The following NOCT variants were observed in gnomAD, a reference collection of about 807,000 sequenced individuals.
NOCT encodes CCR4 carbon catabolite repression 4-like.
Under a neutral mutation model 35.0 loss-of-function variants are expected in NOCT, and 18 were observed. The ratio of observed to expected loss-of-function variants is 0.51; its 90% CI spans 0.36 to 0.76. NOCT has a LOEUF of 0.76. Among genes scored for constraint, NOCT ranks in the 30% least tolerant of loss-of-function variants. NOCT has a pLI of 0.01. For missense variants in NOCT, 479 were observed against 541.0 expected (o/e 0.89, Z 1.14); for synonymous variants, 235 against 226.3 (o/e 1.04, Z -0.34).
intron 1 of NOCT, among the ~76,000 whole-genome samples, chr4:139,025,309 C>T (rs1238900756): frequency 1.3e-5 from 2 of 152,112 alleles, no homozygotes; most frequent in Non-Finnish European, 2.9e-5. Flanking sequence ...CTTCTCCTGC[C>T]CTTTCTATTT....
intron 1 of NOCT, among the ~76,000 whole-genome samples, chr4:139,040,756 G>A (rs1726821409): frequency 6.6e-6 from 1 of 152,084 alleles, no homozygotes; most frequent in Non-Finnish European, 1.5e-5. Context: ...ATACCATGGT[G>A]TCCCTGTGAG....
intron 1 of NOCT, among the ~76,000 whole-genome samples, chr4:139,042,396 A>C (rs1484579663): frequency 6.6e-6 from 1 of 152,074 alleles, no homozygotes; most frequent in Non-Finnish European, 1.5e-5. Flanking sequence ...AGATATATAG[A>C]AAAAGGAATG....
intron 1 of NOCT, among the ~76,000 whole-genome samples, chr4:139,035,019 G>A (rs1468168597): frequency 6.6e-6 from 1 of 152,170 alleles, no homozygotes; most frequent in Non-Finnish European, 1.5e-5. Flanking sequence ...TCTTCTGAAT[G>A]TCAGTCATCT....
At position 139,043,342 on chromosome 4, in the gene NOCT, A is replaced by G; in HGVS notation, c.459A>G (p.Gln153=). The change falls in exon 2 of 3, where the codon CAA becomes CAG. Residue 153 remains glutamine (Q), a splice_region_variant and synonymous_variant. Transcript: ENST00000280614. The part of the protein sequence containing the change: ...IRVMQWNILA[Q]ALGEGKDNFV... ...TTATGCAATGGAACATCCTCGCCCA[A>G]GGTATGCTGGATGCTTTTGTGCCTC... is the stretch of plus-strand genomic sequence containing the variant. The G allele has an allele frequency of 1.9e-6, 3 of 1,612,226 alleles. No homozygotes were observed. The highest frequency in any genetic ancestry group is 2.5e-6 in the Non-Finnish European group (3 of 1,178,460).
In NOCT at chr4:139,016,003, C is replaced by A; in HGVS notation, c.22C>A (p.Leu8Ile). The A allele has an allele frequency of 7.2e-7, 1 of 1,390,992 alleles. No homozygotes were observed. The highest frequency in any genetic ancestry group is 2.6e-4 in the Middle Eastern group (1 of 3,842). 86.2% of individuals were successfully genotyped at this position (1,390,992 alleles called of 1,614,324 possible). MFHSPRR[L>I]CSALLQRDAP... Reference sequence around the variant, plus strand: ...CGGCATGTTTCATAGTCCGCGGCGGCTCTGCTCGGCCCTGCTGCAGAGGGA... The same window carrying A: ...CGGCATGTTTCATAGTCCGCGGCGGATCTGCTCGGCCCTGCTGCAGAGGGA... Residue 8 changes from leucine (L) to isoleucine (I), a missense_variant, in exon 1 of 3, where the codon CTC (leucine) becomes ATC (isoleucine). Transcript: ENST00000280614.
At chr4:139,028,608 C>A (rs1216836696) in intron 1 of NOCT, among the ~76,000 whole-genome samples, 1 of 152,208 alleles carries the variant, frequency 6.6e-6, no homozygotes, top group South Asian at 2.1e-4. Context: ...TGGGGCTAGG[C>A]AGGACAGCTG....
At chr4:139,029,599 C>A (rs911657124) in intron 1 of NOCT, among the ~76,000 whole-genome samples, 13 of 152,184 alleles carry the variant, frequency 8.5e-5, no homozygotes, top group Admixed American at 8.5e-4. Context: ...CTTAACTTGG[C>A]ACTTAGTTTA....
chr4:139,016,639 TTG>T (rs1471943634), intron 1 of NOCT, among the ~76,000 whole-genome samples: 3 of 94,008 alleles, frequency 3.2e-5, no homozygotes, highest in African/African-American at 7.9e-5. Context: ...TCGTTTTACG[TTG>T]TTTTTTTTTT....
rs1726289940 is a variant in NOCT at position 139,016,049 on chromosome 4, T to C, written c.68T>C (p.Leu23Pro). ...LQRDAPGLRR[L>P]PAPGLRRPLS... ...AGGGACGCGCCCGGCCTGCGCCGCC[T>C]GCCCGCCCCAGGGCTGCGCCGCCCG... The change falls in exon 1 of 3, where the codon CTG becomes CCG. Residue 23 changes from leucine to proline, a missense_variant. Around this residue, in one of 2 missense-constraint regions of NOCT, gnomAD observed 265 missense variants for 257.0 expected, o/e 1.03. Coordinates refer to ENST00000280614, the MANE Select transcript of NOCT (RefSeq NM_012118.4). The C allele has an allele frequency of 1.4e-6, 2 of 1,390,134 alleles. No homozygotes were observed. The highest frequency in any genetic ancestry group is 1.9e-6 in the Non-Finnish European group (2 of 1,071,024). 86.1% of individuals were successfully genotyped at this position (1,390,134 alleles called of 1,614,324 possible).
intron 1 of NOCT, among the ~76,000 whole-genome samples, chr4:139,037,819 TTG>T (rs1402807372): frequency 6.6e-6 from 1 of 151,886 alleles, no homozygotes; most frequent in Non-Finnish European, 1.5e-5. Flanking sequence ...TCCCAGGAGT[TTG>T]AGGCTACAGT....
chr4:139,020,679 G>T (rs1007343348), intron 1 of NOCT, among the ~76,000 whole-genome samples: 1 of 152,060 alleles, frequency 6.6e-6, no homozygotes, highest in African/African-American at 2.4e-5. Flanking sequence ...AAAAGATTAG[G>T]GAGTATTTAT....
In NOCT at chr4:139,015,917, C is replaced by G. The variant is rs3749515; in HGVS notation, c.-65C>G. 37 of 1,226,408 alleles carry G rather than the reference C, an allele frequency of 3.0e-5. No individual in the cohort carries two copies. Among genetic ancestry groups the G allele is most frequent in the Non-Finnish European group, 3.5e-5 (34 of 965,826 alleles). 76.0% of individuals were successfully genotyped at this position (1,226,408 alleles called of 1,614,324 possible). A position where few individuals can be genotyped will look rare whatever the true frequency, so the allele number is the denominator to read the frequency against. On this transcript the variant is annotated 5_prime_UTR_variant, in exon 1 of 3. Coordinates refer to ENST00000280614, the MANE Select transcript of NOCT (RefSeq NM_012118.4). ...CCGGACAGTCGGCTCGACTCGGTGC[C>G]CTCGGCCCCAGCCGGGCTCCGCTCC...
At position 139,016,641 on chromosome 4, in the gene NOCT, G is replaced by GTTTTTTTTTTTT. The variant is rs10541748; in HGVS notation, c.190+489_190+500dup. ...ATAACACATTGATTCGTTTTACGTT[G>GTTTTTTTTTTTT]TTTTTTTTTTTTTTTTTTTTTTTTT... On this transcript the variant is annotated intron_variant, in intron 1 of 2. Transcript: ENST00000280614. 7.4e-5 allele frequency among the ~76,000 whole-genome samples: 4 copies of GTTTTTTTTTTTT among 53,786 alleles called. 1 individual carries two copies. Among genetic ancestry groups the GTTTTTTTTTTTT allele is most frequent in the Admixed American group, 3.4e-4 (1 of 2,962 alleles). The allele number at this position is 53,786 out of a possible 152,430, so 35.3% of individuals were successfully genotyped here.
intron 1 of NOCT, among the ~76,000 whole-genome samples, chr4:139,039,974 C>T (rs1488166987): frequency 1.3e-5 from 2 of 151,912 alleles, no homozygotes; most frequent in African/African-American, 4.8e-5. Flanking sequence ...GTGATCCGCC[C>T]GCCTCAGCCT....
chr4:139,043,544 A>C, intron 2 of NOCT: 1 of 557,518 alleles, frequency 1.8e-6, no homozygotes, highest in Non-Finnish European at 3.2e-6. Flanking sequence ...TTAGAAAGAA[A>C]AAAGACACTT....
chr4:139,040,457 T>A (rs2148647104), intron 1 of NOCT, among the ~76,000 whole-genome samples: 1 of 152,320 alleles, frequency 6.6e-6, no homozygotes, highest in East Asian at 1.9e-4. Flanking sequence ...TTTATTCTCT[T>A]CATGTGAAAT....
chr4:139,017,557 G>A (rs564358067), intron 1 of NOCT, among the ~76,000 whole-genome samples: 1 of 150,404 alleles, frequency 6.6e-6, no homozygotes. Context: ...TAGGCCGGGC[G>A]CGGTGGCTCA....
rs1316696705 is a variant in NOCT, at chr4:139,034,052, A to G, written c.191-9022A>G. On this transcript the variant is annotated intron_variant, in intron 1 of 2. Transcript: ENST00000280614. ...GTATCTGCTTCCTAGGATTGTGATG[A>G]GAACTGAAAATATAGTTAAAGTTCA... Among the ~76,000 whole-genome samples, 5 of 152,172 alleles carry G rather than the reference A, an allele frequency of 3.3e-5. No individual in the cohort carries two copies. The East Asian group carries it at 7.7e-4, about 23-fold the overall frequency.
chr4:139,036,744 G>C (rs1726744439), intron 1 of NOCT, among the ~76,000 whole-genome samples: 1 of 152,112 alleles, frequency 6.6e-6, no homozygotes, highest in African/African-American at 2.4e-5. Context: ...ATAACTCAGT[G>C]ACTTAACAAA....
Sources: allele counts gnomAD v4.1 joint callset (sites outside exome capture counted in the v4.1 genomes callset), GRCh38; gene constraint gnomAD v4.1.1; regional missense constraint gnomAD v4.1.1; transcripts MANE v1.5; gene names NCBI Gene and HGNC (gene_info 2026-07-23, HGNC 2026-07-21).